ARMH4: variants seen among roughly 807,000 people sequenced by gnomAD.
The protein encoded by ARMH4 is armadillo-like helical domain-containing protein 4.
A neutral mutation model predicts 61.9 loss-of-function variants in ARMH4; 49 were observed. The observed-to-expected ratio is 0.79, with a 90% CI of 0.63 to 1.00. ARMH4 has a LOEUF of 1.00. Ranked by LOEUF, ARMH4 falls within the 50% of genes least tolerant of loss-of-function variation. The pLI is 0.00. For missense variants in ARMH4, 934 were observed against 930.0 expected (o/e 1.00, Z -0.06); for synonymous variants, 368 against 341.5 (o/e 1.08, Z -0.85).
Position 58,005,779 on chromosome 14 carries a change from A to C in ARMH4, c.2122-597T>G, listed in dbSNP as rs188039390. Among the ~76,000 whole-genome samples the C allele has an allele frequency of 1.3e-5, 2 of 152,282 alleles. 1 individual carries two copies. The highest frequency in any genetic ancestry group is 3.9e-4 in the East Asian group (2 of 5,174). ...AAAGGCCTGCAAAGGCAAGAGGAGGAATGTTAGATGTTGGAGCAAAGGCAG... is the reference window on the plus strand; with the variant it reads ...AAAGGCCTGCAAAGGCAAGAGGAGGCATGTTAGATGTTGGAGCAAAGGCAG... On this transcript the variant is annotated intron_variant, in intron 6 of 7. Transcript: ENST00000267485.
At chr14:58,014,045 A>AAAG (rs1259863058) in intron 5 of ARMH4, among the ~76,000 whole-genome samples, 1 of 151,578 alleles carries the variant, frequency 6.6e-6, no homozygotes, top group Non-Finnish European at 1.5e-5. Flanking sequence ...AGAAAGAAAG[A>AAAG]AAGTCATTGG....
chr14:58,059,125 G>T (rs1287843288), intron 5 of ARMH4, among the ~76,000 whole-genome samples: 1 of 152,216 alleles, frequency 6.6e-6, no homozygotes, highest in Non-Finnish European at 1.5e-5. Context: ...ACAGTTTAAG[G>T]TTGAACAAGT....
intron 5 of ARMH4, among the ~76,000 whole-genome samples, chr14:58,069,276 T>C (rs768280318): frequency 6.6e-6 from 1 of 152,194 alleles, no homozygotes; most frequent in Non-Finnish European, 1.5e-5. Context: ...ATTTTAGTAA[T>C]CAACAATCAC....
intron 5 of ARMH4, among the ~76,000 whole-genome samples, chr14:58,012,771 CA>C (rs1295560788): frequency 6.6e-6 from 1 of 152,316 alleles, no homozygotes; most frequent in African/African-American, 2.4e-5. Context: ...GTAATATTCA[CA>C]AAGCCAACTG....
At chr14:58,080,709 T>C (rs980282101) in intron 5 of ARMH4, among the ~76,000 whole-genome samples, 2 of 152,192 alleles carry the variant, frequency 1.3e-5, no homozygotes, top group African/African-American at 4.8e-5. Flanking sequence ...GCAGGTTTGT[T>C]ATATGGCTAT....
chr14:58,019,779 A>G (rs930768306), intron 5 of ARMH4, among the ~76,000 whole-genome samples: 1 of 152,158 alleles, frequency 6.6e-6, no homozygotes, highest in African/African-American at 2.4e-5. Flanking sequence ...TGACAGAGTG[A>G]GACTCTGTCT....
rs1246189908 is a variant in ARMH4 at position 58,003,231 on chromosome 14, A to G, written c.*1505T>C. ...AATGTCACTGCTTCCACCAAAGTCT[A>G]TGAAAAGGTTACTGAACTGAAGATA... is the stretch of plus-strand genomic sequence containing the variant. On this transcript the variant is annotated 3_prime_UTR_variant, in exon 8 of 8. Coordinates refer to ENST00000267485, the MANE Select transcript of ARMH4 (RefSeq NM_001001872.4). 1 of 152,252 alleles carries G rather than the reference A, an allele frequency of 6.6e-6. No homozygotes were observed. Among genetic ancestry groups the G allele is most frequent in the Non-Finnish European group, 1.5e-5 (1 of 68,052 alleles). 9.4% of individuals were successfully genotyped at this position (152,252 alleles called of 1,614,324 possible). A position where few individuals can be genotyped will look rare whatever the true frequency, so the allele number is the denominator to read the frequency against.
At chr14:58,142,668 C>T (rs1475007554) in intron 1 of ARMH4, among the ~76,000 whole-genome samples, 1 of 151,972 alleles carries the variant, frequency 6.6e-6, no homozygotes, top group Non-Finnish European at 1.5e-5. Context: ...GACGGGGTTT[C>T]ACCATGTTGG....
chr14:58,032,608 G>A (rs1205703760), intron 5 of ARMH4, among the ~76,000 whole-genome samples: 1 of 152,198 alleles, frequency 6.6e-6, no homozygotes, highest in Non-Finnish European at 1.5e-5. Flanking sequence ...CGACGCAGAA[G>A]ACGGGTGATT....
chr14:58,131,405 TCTATACTGCAGATTGAATATACTC>T, intron 4 of ARMH4, 83 bp downstream of exon 4: 1 of 887,646 alleles, frequency 1.1e-6, no homozygotes, highest in Non-Finnish European at 1.8e-6. Context: ...TGTCCTCTGA[TCTATACTGCAGATTGAATATACTC>T]CTACTTAATT....
In ARMH4 at chr14:58,083,829, T is replaced by C. The variant is rs552240263; in HGVS notation, c.2089+12895A>G. Among the ~76,000 whole-genome samples, 20 of 152,368 alleles carry C rather than the reference T, an allele frequency of 1.3e-4. 1 individual carries two copies. The highest frequency in any genetic ancestry group is 1.0e-3 in the South Asian group (5 of 4,822). On this transcript the variant is annotated intron_variant, in intron 5 of 7. Coordinates refer to ENST00000267485, the MANE Select transcript of ARMH4 (RefSeq NM_001001872.4). Reference sequence around the variant, plus strand: ...ATCTGTAAATTCATTTCAACAATTTTTGACTCCACATAGATTGGTGGTTCT... The same window carrying C: ...ATCTGTAAATTCATTTCAACAATTTCTGACTCCACATAGATTGGTGGTTCT...
chr14:58,031,584 C>T (rs1451896076), intron 5 of ARMH4, among the ~76,000 whole-genome samples: 1 of 152,122 alleles, frequency 6.6e-6, no homozygotes, highest in African/African-American at 2.4e-5. Flanking sequence ...AAGACTTGTG[C>T]GAGGTTTTAT....
chr14:58,087,551 GGGA>G (rs1885422111), intron 5 of ARMH4, among the ~76,000 whole-genome samples: 1 of 152,156 alleles, frequency 6.6e-6, no homozygotes, highest in Admixed American at 6.6e-5. Flanking sequence ...AAAATTTAAA[GGGA>G]GGAGAAGGGA....
chr14:58,017,416 A>G (rs1566541420), intron 5 of ARMH4, among the ~76,000 whole-genome samples: 1 of 152,184 alleles, frequency 6.6e-6, no homozygotes, highest in Non-Finnish European at 1.5e-5. Context: ...AAATGGTTAG[A>G]AGTCATAAAC....
At chr14:58,015,179 T>A (rs1286381397) in intron 5 of ARMH4, among the ~76,000 whole-genome samples, 3 of 152,212 alleles carry the variant, frequency 2.0e-5, no homozygotes, top group African/African-American at 7.2e-5. Flanking sequence ...AGAGTCCTAC[T>A]TTGGATGATT....
At chr14:58,060,922 C>T (rs934610911) in intron 5 of ARMH4, among the ~76,000 whole-genome samples, 1 of 152,176 alleles carries the variant, frequency 6.6e-6, no homozygotes, top group Non-Finnish European at 1.5e-5. Context: ...TTCTCCTTAT[C>T]TCTCACCCCT....
chr14:58,093,579 C>T lies in ARMH4; in HGVS notation c.2089+3145G>A, dbSNP rs1594752463. ...CAGGTTCCAGATGTTAGGACATAGACATCTTCGGGGAGCCATTATCACAAA... is the reference window on the plus strand; with the variant it reads ...CAGGTTCCAGATGTTAGGACATAGATATCTTCGGGGAGCCATTATCACAAA... On this transcript the variant is annotated intron_variant, in intron 5 of 7. Transcript: ENST00000267485. 2.0e-5 allele frequency among the ~76,000 whole-genome samples: 3 copies of T among 152,176 alleles called. No individual in the cohort carries two copies. In the East Asian group the frequency reaches 5.8e-4, roughly 29 times the overall value.
intron 5 of ARMH4, among the ~76,000 whole-genome samples, chr14:58,070,173 G>A (rs147857181): frequency 6.6e-6 from 1 of 152,196 alleles, no homozygotes; most frequent in Non-Finnish European, 1.5e-5. Flanking sequence ...AGACAATGAG[G>A]GTTCCCAAAT....
chr14:58,128,268 C>G (rs1329571658), intron 4 of ARMH4, among the ~76,000 whole-genome samples: 1 of 152,104 alleles, frequency 6.6e-6, no homozygotes, highest in Non-Finnish European at 1.5e-5. Context: ...TTTAAGTTGG[C>G]ATTTTAGAGC....
Sources: gnomAD v4.1 joint callset for allele counts (sites outside exome capture counted in the v4.1 genomes callset) on GRCh38, gnomAD v4.1.1 for gene constraint, MANE v1.5 for transcripts, NCBI Gene and HGNC (gene_info 2026-07-23, HGNC 2026-07-21) for gene names.